Variants in MADD observed in about 807,000 individuals in gnomAD.
MADD encodes MAP kinase activating death domain, also known as MAP kinase-activating death domain protein.
In MADD, 109 loss-of-function variants were observed where a neutral mutation model predicts 176.7. That is an observed-to-expected ratio of 0.62 (90% CI 0.53 to 0.72). The LOEUF is 0.72. MADD is among the 30% of genes least tolerant of loss of function. The pLI is 0.00. For synonymous variants in MADD, 771 were observed against 771.3 expected, an observed-to-expected ratio of 1.00 and a Z score of 0.01; for missense variants, 1,914 against 2,045.5, an observed-to-expected ratio of 0.94 and a Z score of 1.24.
chr11:47,284,037 GT>G, intron 10 of MADD, 140 bp from the exon 11 acceptor site: 1 of 648,182 alleles, frequency 1.5e-6, no homozygotes, highest in East Asian at 2.7e-5. Flanking sequence ...TTGGTTGACT[GT>G]TTTTCTTGGC....
At chr11:47,296,224 G>A (rs866599833) in intron 22 of MADD, among the ~76,000 whole-genome samples, 169 bp downstream of exon 24, 5 of 152,304 alleles carry the variant, frequency 3.3e-5, no homozygotes, top group African/African-American at 1.2e-4. Flanking sequence ...TTTGTTCAGA[G>A]TCATTTGACT....
intron 27 of MADD, among the ~76,000 whole-genome samples, chr11:47,319,990 CAAAAA>C (rs11302029): frequency 1.0e-4 from 7 of 67,858 alleles, no homozygotes; most frequent in Non-Finnish European, 1.6e-4. Context: ...GACTCCATCG[CAAAAA>C]AAAAAAAAAA....
chr11:47,318,015 C>T (rs949265373), intron 27 of MADD, among the ~76,000 whole-genome samples: 1 of 152,064 alleles, frequency 6.6e-6, no homozygotes, highest in Non-Finnish European at 1.5e-5. Context: ...AGTGATCCAC[C>T]CACCTCGGCC....
At chr11:47,275,952 G>A (rs1161176264) in exon 4 of MADD, 1 of 1,614,050 alleles carries the variant, frequency 6.2e-7, no homozygotes, top group Admixed American at 1.7e-5. Flanking sequence ...GAGAAGTCAA[G>A]TGCCCTTCTG....
intron 3 of MADD, 134 bp downstream of exon 3, chr11:47,275,293 G>GT: frequency 1.2e-6 from 1 of 829,266 alleles, no homozygotes; most frequent in Non-Finnish European, 1.9e-6. Context: ...AGTATTTAGA[G>GT]TTAATCTTTT....
intron 27 of MADD, among the ~76,000 whole-genome samples, chr11:47,316,739 TTCC>T (rs2093150432): frequency 6.6e-6 from 1 of 151,834 alleles, no homozygotes; most frequent in Non-Finnish European, 1.5e-5. Context: ...AATTCTTATT[TTCC>T]TCCTTTCTTT....
chr11:47,326,643 C>T, intron 30 of MADD, 91 bp downstream of exon 34: 1 of 1,536,152 alleles, frequency 6.5e-7, no homozygotes. Context: ...AATAGACTTT[C>T]TTTGTGTGGG....
At chr11:47,304,803 C>CT (rs1379286226) in intron 22 of MADD, among the ~76,000 whole-genome samples, 2 of 151,940 alleles carry the variant, frequency 1.3e-5, no homozygotes, top group African/African-American at 4.8e-5. Flanking sequence ...GTCATATGTC[C>CT]TTGTTTTTTT....
At chr11:47,315,366 G>A in intron 27 of MADD, 39 bp downstream of exon 30, 1 of 1,251,940 alleles carries the variant, frequency 8.0e-7, no homozygotes, top group Non-Finnish European at 1.2e-6. Flanking sequence ...AAGGGCTATT[G>A]AGAGTCACAG....
intron 22 of MADD, among the ~76,000 whole-genome samples, chr11:47,303,490 G>A (rs961957050): frequency 2.0e-5 from 3 of 151,890 alleles, no homozygotes; most frequent in Admixed American, 6.6e-5. Context: ...TGCCTGCCTC[G>A]GCCTCCCAAA....
Position 47,285,113 on chromosome 11 carries a change from A to G in MADD, c.2330A>G (p.Tyr777Cys), listed in dbSNP as rs769380969. 3.1e-6 allele frequency: 5 copies of G among 1,613,954 alleles called. No individual in the cohort carries two copies. Among genetic ancestry groups the G allele is most frequent in the Non-Finnish European group, 1.7e-6 (2 of 1,180,000 alleles). Residue 777 changes from tyrosine to cysteine, a missense_variant, in exon 13 of 33, where the codon TAT becomes TGT. Physicochemically the swap from Tyr to Cys is radical, Grantham distance 194 (BLOSUM62 -2). Transcript: ENST00000402192. ...GACAATCCATACTTCGAGCCCCAAT[A>G]TGGCTTTCCCCCTGAGGAAGATGAG...
At chr11:47,323,962 G>A (rs2094993345) in intron 28 of MADD, 127 bp downstream of exon 31, 1 of 1,078,366 alleles carries the variant, frequency 9.3e-7, no homozygotes, top group South Asian at 1.6e-5. Context: ...GCTGTTGGGT[G>A]GAGTACCTAA....
intron 15 of MADD, among the ~76,000 whole-genome samples, chr11:47,287,949 G>T (rs1181862672): frequency 6.6e-6 from 1 of 151,824 alleles, no homozygotes; most frequent in Non-Finnish European, 1.5e-5. Flanking sequence ...CACCACGCCT[G>T]CCTAATTTTT....
intron 1 of MADD, chr11:47,270,574 C>G (rs1162326983): frequency 6.6e-6 from 1 of 152,206 alleles, no homozygotes; most frequent in Non-Finnish European, 1.5e-5. Context: ...TGGGGCCGAA[C>G]CCGCACAGCG....
intron 1 of MADD, among the ~76,000 whole-genome samples, chr11:47,273,319 G>A (rs1251858974): frequency 6.9e-6 from 1 of 145,672 alleles, no homozygotes; most frequent in Non-Finnish European, 1.5e-5. Context: ...GGGATAGGTA[G>A]GTGAACCATT....
intron 19 of MADD, 100 bp downstream of exon 20, chr11:47,290,916 T>C: frequency 7.0e-6 from 7 of 997,368 alleles, no homozygotes; most frequent in Non-Finnish European, 1.0e-5. Context: ...TGCCCCATGC[T>C]TTGCTTCTTA....
At position 47,288,949 on chromosome 11, in the gene MADD, T is replaced by A. The variant is rs1174055605; in HGVS notation, c.2654-442T>A. 1 of 1,580,800 alleles carries A rather than the reference T, an allele frequency of 6.3e-7. No homozygotes were observed. The highest frequency in any genetic ancestry group is 1.2e-5 in the South Asian group (1 of 86,318). ...GCGGTATTGTGGTACACCTACTAAT[T>A]GTGTATTTTGTGTCCCAGTATTTGG... is the stretch of plus-strand genomic sequence containing the variant. On this transcript the variant is annotated intron_variant, in intron 15 of 32. Transcript: ENST00000402192.
intron 2 of MADD, 129 bp downstream of exon 2, chr11:47,274,105 G>C (rs117208589): frequency 3.4e-6 from 3 of 876,010 alleles, no homozygotes. Context: ...CCTGATGGGA[G>C]CATCGAAGCC....
At chr11:47,322,560 C>T (rs149150460) in intron 27 of MADD, among the ~76,000 whole-genome samples, 11,432 of 152,116 alleles carry the variant, frequency 0.075, 516 homozygotes, top group South Asian at 0.11. Flanking sequence ...TGCAGTGAGA[C>T]GGGATTGCGC....
Sources: allele counts gnomAD v4.1 joint callset (sites outside exome capture counted in the v4.1 genomes callset), GRCh38; gene constraint gnomAD v4.1.1; transcripts MANE v1.5; gene names NCBI Gene and HGNC (gene_info 2026-07-23, HGNC 2026-07-21).